The following LSAMP variants were observed in gnomAD, a reference collection of about 807,000 sequenced individuals.
The protein encoded by LSAMP is limbic system associated membrane protein.
In LSAMP, 7 loss-of-function variants were observed where a neutral mutation model predicts 38.6. That is an observed-to-expected ratio of 0.18 (90% CI 0.10 to 0.34). The LOEUF is 0.34. Ranked by LOEUF, LSAMP falls within the 10% of genes least tolerant of loss-of-function variation. The pLI, the probability that LSAMP is intolerant of heterozygous loss-of-function variation, is 1.00. For missense variants in LSAMP, 313 were observed against 420.0 expected (o/e 0.75, Z 2.23); for synonymous variants, 154 against 166.8 (o/e 0.92, Z 0.59).
Position 115,810,231 on chromosome 3 carries a change from CTCTCTCTCTCTCTG to C in LSAMP, c.*72_*85del, listed in dbSNP as rs1037085581. The stretch of plus-strand genomic sequence containing the variant: ...TAAACGGTCTCCCCCATCTCTCTCT[CTCTCTCTCTCTCTG>C]TCTCTCTCTCTCTGTATTCTGTGTG... On this transcript the variant is annotated 3_prime_UTR_variant, in exon 7 of 7. Coordinates refer to ENST00000490035, the MANE Select transcript of LSAMP (RefSeq NM_002338.5). 369 of 927,414 alleles carry C rather than the reference CTCTCTCTCTCTCTG, an allele frequency of 4.0e-4. No individual in the cohort carries two copies. Among genetic ancestry groups the C allele is most frequent in the Admixed American group, 5.4e-4 (21 of 39,200 alleles). The allele number at this position is 927,414 out of a possible 1,614,324, so 57.4% of individuals were successfully genotyped here. A position where few individuals can be genotyped will look rare whatever the true frequency, so the allele number is the denominator to read the frequency against.
intron 3 of LSAMP, among the ~76,000 whole-genome samples, chr3:115,871,625 GACA>G (rs749807905): frequency 0.19 from 28,806 of 150,448 alleles, 3,578 homozygotes; most frequent in African/African-American, 0.33. Context: ...GTGTAAGAGA[GACA>G]GACAGAGAGA....
chr3:116,398,882 G>A (rs1218771077), intron 1 of LSAMP, among the ~76,000 whole-genome samples: 1 of 152,182 alleles, frequency 6.6e-6, no homozygotes, highest in Non-Finnish European at 1.5e-5. Flanking sequence ...AATAGACAGT[G>A]TTGAATGTAA....
intron 1 of LSAMP, among the ~76,000 whole-genome samples, chr3:116,259,057 C>T (rs2046792246): frequency 6.6e-6 from 1 of 152,094 alleles, no homozygotes; most frequent in South Asian, 2.1e-4. Flanking sequence ...TTTATTAAAT[C>T]AGAACATTTC....
chr3:116,420,246 T>A (rs1387499834), intron 1 of LSAMP, among the ~76,000 whole-genome samples: 1 of 151,994 alleles, frequency 6.6e-6, no homozygotes, highest in South Asian at 2.1e-4. Context: ...TACAGGCACC[T>A]GTCACCACGC....
In LSAMP at chr3:116,265,634, A is replaced by C. The variant is rs370634017; in HGVS notation, c.156-179078T>G. 1.2e-4 allele frequency among the ~76,000 whole-genome samples: 19 copies of C among 152,318 alleles called. No individual in the cohort carries two copies. The East Asian group carries it at 2.5e-3, about 20-fold the overall frequency. The stretch of plus-strand genomic sequence containing the variant: ...TGTCTCACACTAATGGCGTAACAGC[A>C]GTCCCAAGAGGTGGTATATCATCCT... On this transcript the variant is annotated intron_variant, in intron 1 of 6. Coordinates refer to ENST00000490035, the MANE Select transcript of LSAMP (RefSeq NM_002338.5).
intron 3 of LSAMP, among the ~76,000 whole-genome samples, chr3:115,879,524 G>A (rs1559864241): frequency 1.3e-5 from 2 of 152,080 alleles, no homozygotes; most frequent in Non-Finnish European, 2.9e-5. Context: ...GACATTAGAA[G>A]GTAGAAAGAG....
At chr3:115,993,914 A>G (rs1483711646) in intron 3 of LSAMP, among the ~76,000 whole-genome samples, 1 of 152,134 alleles carries the variant, frequency 6.6e-6, no homozygotes, top group African/African-American at 2.4e-5. Context: ...TCACATCAGT[A>G]CACTCTTAGA....
intron 2 of LSAMP, among the ~76,000 whole-genome samples, chr3:116,081,493 T>A (rs918047725): frequency 2.0e-5 from 3 of 152,092 alleles, no homozygotes; most frequent in Non-Finnish European, 4.4e-5. Flanking sequence ...ATTTAAGTTT[T>A]CAATTATTAA....
intron 1 of LSAMP, among the ~76,000 whole-genome samples, chr3:116,359,074 T>A (rs1039377904): frequency 6.6e-6 from 1 of 152,208 alleles, no homozygotes; most frequent in African/African-American, 2.4e-5. Flanking sequence ...GATTTGACCT[T>A]TCTATATGTG....
At chr3:116,112,070 G>A (rs1708628402) in intron 1 of LSAMP, among the ~76,000 whole-genome samples, 1 of 152,180 alleles carries the variant, frequency 6.6e-6, no homozygotes, top group African/African-American at 2.4e-5. Flanking sequence ...TTCTTGATGA[G>A]GCCTGCTTTC....
rs563104825 is a variant in LSAMP at position 116,023,692 on chromosome 3, ATAT to A, written c.389-4055_389-4053del. On this transcript the variant is annotated intron_variant, in intron 2 of 6. Coordinates refer to ENST00000490035, the MANE Select transcript of LSAMP (RefSeq NM_002338.5). ...CACACATTCACCACACTACAATCAG[ATAT>A]TTTTTTCCTAAATTGCAAATATGAA... 9.2e-4 allele frequency among the ~76,000 whole-genome samples: 140 copies of A among 151,954 alleles called. 3 individuals are homozygous for A. The South Asian group carries it at 0.029, about 32-fold the overall frequency.
At chr3:115,975,412 T>G (rs1167634111) in intron 3 of LSAMP, among the ~76,000 whole-genome samples, 1 of 152,200 alleles carries the variant, frequency 6.6e-6, no homozygotes, top group Non-Finnish European at 1.5e-5. Context: ...TTTATGCAGA[T>G]GATTGAAGCA....
At chr3:116,037,112 A>G (rs1941064680) in intron 2 of LSAMP, among the ~76,000 whole-genome samples, 2 of 152,196 alleles carry the variant, frequency 1.3e-5, no homozygotes, top group South Asian at 4.1e-4. Flanking sequence ...ATACAAAATT[A>G]TGCTTTATCA....
intron 1 of LSAMP, among the ~76,000 whole-genome samples, chr3:116,089,533 A>G (rs1708071709): frequency 6.6e-6 from 1 of 151,912 alleles, no homozygotes; most frequent in South Asian, 2.1e-4. Context: ...AATTTTTTGT[A>G]TTTTTAGCAG....
chr3:116,400,357 T>C (rs1026222141), intron 1 of LSAMP, among the ~76,000 whole-genome samples: 1 of 151,948 alleles, frequency 6.6e-6, no homozygotes, highest in African/African-American at 2.4e-5. Flanking sequence ...TCTTTCCTCT[T>C]TCTTTCTTCC....
At chr3:116,226,526 A>G (rs2046343933) in intron 1 of LSAMP, among the ~76,000 whole-genome samples, 1 of 152,242 alleles carries the variant, frequency 6.6e-6, no homozygotes, top group African/African-American at 2.4e-5. Flanking sequence ...TTAACTGTTG[A>G]TCACTGAAAT....
intron 1 of LSAMP, among the ~76,000 whole-genome samples, chr3:116,268,314 C>T (rs567422324): frequency 1.3e-5 from 2 of 152,070 alleles, no homozygotes; most frequent in Admixed American, 1.3e-4. Flanking sequence ...ACCACAAATG[C>T]TCCTCTGCCT....
At chr3:116,228,170 T>C (rs1416556989) in intron 1 of LSAMP, among the ~76,000 whole-genome samples, 1 of 152,114 alleles carries the variant, frequency 6.6e-6, no homozygotes, top group Non-Finnish European at 1.5e-5. Flanking sequence ...TCATCAAAAC[T>C]CTTCTTGTAG....
At chr3:116,061,437 G>A (rs1383459177) in intron 2 of LSAMP, among the ~76,000 whole-genome samples, 1 of 46,480 alleles carries the variant, frequency 2.2e-5, no homozygotes, top group East Asian at 3.6e-4. Flanking sequence ...CATGGGCATG[G>A]TGATACAGCC....
Sources: allele counts gnomAD v4.1 joint callset (sites outside exome capture counted in the v4.1 genomes callset), GRCh38; gene constraint gnomAD v4.1.1; transcripts MANE v1.5; gene names NCBI Gene and HGNC (gene_info 2026-07-23, HGNC 2026-07-21).